The following MNAT1 variants were observed in gnomAD, a reference collection of about 807,000 sequenced individuals.
MNAT1 encodes the protein CDK-activating kinase assembly factor MAT1.
A neutral mutation model predicts 42.0 loss-of-function variants in MNAT1; 43 were observed. The ratio of observed to expected loss-of-function variants is 1.02; its 90% CI spans 0.80 to 1.32. The LOEUF is 1.32. Ranked by LOEUF, MNAT1 falls within the 40% of genes most tolerant of loss-of-function variation. MNAT1 has a pLI of 0.00. For synonymous variants in MNAT1, 118 were observed against 120.0 expected (o/e 0.98, Z 0.11); for missense variants, 306 against 350.4 (o/e 0.87, Z 1.01).
At chr14:60,948,295 G>T (rs1303040738) in intron 7 of MNAT1, among the ~76,000 whole-genome samples, 4 of 152,074 alleles carry the variant, frequency 2.6e-5, no homozygotes, top group Non-Finnish European at 5.9e-5. Context: ...GCTGGGCATG[G>T]TGGTGCATGC....
At position 60,940,406 on chromosome 14, in the gene MNAT1, C is replaced by G. The variant is rs148655495; in HGVS notation, c.810-27823C>G. ...TATCTGCCTAGGCATTTGGCTGTCT[C>G]AAAGCTTTATTTTTTGTTGTTGTTG... is the stretch of plus-strand genomic sequence containing the variant. On this transcript the variant is annotated intron_variant, in intron 7 of 7. Coordinates refer to ENST00000261245, the MANE Select transcript of MNAT1 (RefSeq NM_002431.4). Among the ~76,000 whole-genome samples, 535 of 152,284 alleles carry G rather than the reference C, an allele frequency of 3.5e-3. 2 individuals are homozygous for G. The highest frequency in any genetic ancestry group is 0.012 in the African/African-American group (500 of 41,564).
intron 7 of MNAT1, 38 bp downstream of exon 7, chr14:60,879,873 A>T: frequency 6.3e-7 from 1 of 1,597,190 alleles, no homozygotes; most frequent in Non-Finnish European, 8.5e-7. Context: ...AGGAGCTGAT[A>T]TGTGGGACTT....
chr14:60,878,269 C>G (rs1037115532), intron 6 of MNAT1, among the ~76,000 whole-genome samples: 9 of 152,024 alleles, frequency 5.9e-5, no homozygotes, highest in Admixed American at 5.2e-4. Context: ...AGCAATGATA[C>G]CAGGCATTTA....
At chr14:60,904,360 C>G (rs1429910357) in intron 7 of MNAT1, among the ~76,000 whole-genome samples, 2 of 151,742 alleles carry the variant, frequency 1.3e-5, no homozygotes. Context: ...AGCAAAATGT[C>G]TTTAGTATTT....
chr14:60,915,890 A>G (rs1354607799), intron 7 of MNAT1, among the ~76,000 whole-genome samples: 2 of 152,238 alleles, frequency 1.3e-5, no homozygotes, highest in East Asian at 1.9e-4. Flanking sequence ...CAGAAGCAAT[A>G]GTATTCTTAC....
intron 6 of MNAT1, among the ~76,000 whole-genome samples, chr14:60,831,627 G>T (rs1445127515): frequency 1.3e-5 from 2 of 152,030 alleles, no homozygotes; most frequent in Non-Finnish European, 2.9e-5. Flanking sequence ...GAATAGTGCT[G>T]CAATAAACAT....
chr14:60,954,919 T>C (rs1471308375), intron 7 of MNAT1, among the ~76,000 whole-genome samples: 1 of 152,154 alleles, frequency 6.6e-6, no homozygotes, highest in Non-Finnish European at 1.5e-5. Context: ...GTTGATAGTT[T>C]TTATCATGAA....
intron 7 of MNAT1, among the ~76,000 whole-genome samples, chr14:60,906,677 G>C (rs1594855811): frequency 1.3e-5 from 2 of 151,932 alleles, no homozygotes; most frequent in Non-Finnish European, 2.9e-5. Context: ...AGCAATAAGG[G>C]GTTGTGTTGT....
chr14:60,885,132 T>A (rs1306575824), intron 7 of MNAT1, among the ~76,000 whole-genome samples: 4 of 151,740 alleles, frequency 2.6e-5, no homozygotes, highest in African/African-American at 9.7e-5. Context: ...CCTTTGGGAG[T>A]TTGAGTGTTA....
chr14:60,940,217 A>T (rs920738752), intron 7 of MNAT1, among the ~76,000 whole-genome samples: 1 of 152,148 alleles, frequency 6.6e-6, no homozygotes. Context: ...TAATTGGAGC[A>T]TTTAGCCCAT....
At chr14:60,896,788 AACT>A (rs1406051192) in intron 7 of MNAT1, among the ~76,000 whole-genome samples, 2 of 152,154 alleles carry the variant, frequency 1.3e-5, no homozygotes, top group Non-Finnish European at 2.9e-5. Flanking sequence ...GCCTGGCCAT[AACT>A]ACTATTTTCA....
At chr14:60,915,448 A>G (rs2035491506) in intron 7 of MNAT1, among the ~76,000 whole-genome samples, 1 of 152,154 alleles carries the variant, frequency 6.6e-6, no homozygotes, top group Non-Finnish European at 1.5e-5. Context: ...GATTTCCCAT[A>G]ATGATTGCCA....
At chr14:60,788,248 A>G (rs930932662) in intron 1 of MNAT1, among the ~76,000 whole-genome samples, 5 of 152,178 alleles carry the variant, frequency 3.3e-5, no homozygotes, top group Admixed American at 3.3e-4. Context: ...GTCAATGGGC[A>G]GTAACATTTT....
chr14:60,892,491 T>C (rs564272562), intron 7 of MNAT1, among the ~76,000 whole-genome samples: 55 of 152,294 alleles, frequency 3.6e-4, no homozygotes, highest in African/African-American at 1.3e-3. Context: ...GAATCCAAAG[T>C]TAGTTTCTTG....
chr14:60,914,375 G>C (rs2035464868), intron 7 of MNAT1, among the ~76,000 whole-genome samples: 2 of 152,186 alleles, frequency 1.3e-5, no homozygotes. Context: ...GAACCCGGTA[G>C]CTCAGTTGGA....
intron 7 of MNAT1, among the ~76,000 whole-genome samples, chr14:60,959,457 G>C (rs1389280319): frequency 6.6e-6 from 1 of 152,198 alleles, no homozygotes; most frequent in Non-Finnish European, 1.5e-5. Context: ...GCTGGTTGCT[G>C]ATTTCTCAGG....
At chr14:60,853,919 T>C (rs1002529175) in intron 6 of MNAT1, among the ~76,000 whole-genome samples, 13 of 152,198 alleles carry the variant, frequency 8.5e-5, no homozygotes, top group African/African-American at 3.1e-4. Context: ...GTGGATAAGC[T>C]TTTGGATGTG....
At chr14:60,952,997 G>A (rs1357854962) in intron 7 of MNAT1, among the ~76,000 whole-genome samples, 1 of 152,030 alleles carries the variant, frequency 6.6e-6, no homozygotes, top group African/African-American at 2.4e-5. Flanking sequence ...TCACGGCCAG[G>A]GGCTATCACT....
intron 7 of MNAT1, among the ~76,000 whole-genome samples, chr14:60,933,838 A>G (rs2035937736): frequency 6.6e-6 from 1 of 152,186 alleles, no homozygotes; most frequent in African/African-American, 2.4e-5. Flanking sequence ...AATTCCCCAG[A>G]AAATCTACGC....
Sources: gnomAD v4.1 joint callset for allele counts (sites outside exome capture counted in the v4.1 genomes callset) on GRCh38, gnomAD v4.1.1 for gene constraint, MANE v1.5 for transcripts, NCBI Gene and HGNC (gene_info 2026-07-23, HGNC 2026-07-21) for gene names.